Variants in KCNQ1 observed in about 807,000 individuals in gnomAD.
KCNQ1 encodes potassium voltage-gated channel subfamily KQT member 1.
In KCNQ1, 49 loss-of-function variants were observed where a neutral mutation model predicts 72.4. That is an observed-to-expected ratio of 0.68 (90% CI 0.54 to 0.86). KCNQ1 has a LOEUF of 0.86. Ranked by LOEUF, KCNQ1 falls within the 40% of genes least tolerant of loss-of-function variation. The pLI is 0.00. For missense variants in KCNQ1, 790 were observed against 945.1 expected (o/e 0.84, Z 2.15); for synonymous variants, 450 against 412.6 (o/e 1.09, Z -1.10).
In KCNQ1 at chr11:2,657,742, C is replaced by T. The variant is rs1370224598; in HGVS notation, c.1394-4219C>T. The T allele has an allele frequency of 7.5e-6, 3 of 398,428 alleles. No homozygotes were observed. The highest frequency in any genetic ancestry group is 2.1e-5 in the African/African-American group (1 of 48,586). The allele number at this position is 398,428 out of a possible 1,614,324, so 24.7% of individuals were successfully genotyped here. ...ATTTATTGTCATCTCTGATCGGTGA[C>T]GGGCTTCTCAGTCTTGTTCTTCATT... On this transcript the variant is annotated intron_variant, in intron 10 of 15. Coordinates refer to ENST00000155840, the MANE Select transcript of KCNQ1 (RefSeq NM_000218.3). This position sits in a 1 kb window ranked among gnomAD's most constrained non-coding sequence, Gnocchi z 4.8.
At position 2,458,447 on chromosome 11, in the gene KCNQ1, G is replaced by T; in HGVS notation, c.386+12963G>T. On this transcript the variant is annotated intron_variant, in intron 1 of 15. Coordinates refer to ENST00000155840, the MANE Select transcript of KCNQ1 (RefSeq NM_000218.3). The surrounding 1 kb of genome is among the most constrained non-coding windows in gnomAD (Gnocchi z 4.6). ...CTCGGGGAAACCCAGTAGCTGATGG[G>T]GTTGCGTCCTTCTTTGGGACTCCCG... Among the ~76,000 whole-genome samples the T allele has an allele frequency of 6.6e-6, 1 of 152,220 alleles. No homozygotes were observed. Among genetic ancestry groups the T allele is most frequent in the South Asian group, 2.1e-4 (1 of 4,824 alleles).
Position 2,462,228 on chromosome 11 carries a change from T to A in KCNQ1, c.386+16744T>A. On this transcript the variant is annotated intron_variant, in intron 1 of 15. Transcript: ENST00000155840. The surrounding 1 kb of genome is among the most constrained non-coding windows in gnomAD (Gnocchi z 8.2). ...GGTGCTGGGTGGGTCTTCATGGCTG[T>A]TCTTGGGGCTGCCAGGCCTGCAAGG... 6.6e-6 allele frequency among the ~76,000 whole-genome samples: 1 copy of A among 152,232 alleles called. No homozygotes were observed. Among genetic ancestry groups the A allele is most frequent in the Non-Finnish European group, 1.5e-5 (1 of 67,986 alleles).
At position 2,613,495 on chromosome 11, in the gene KCNQ1, G is replaced by C. The variant is rs1046539171; in HGVS notation, c.1393+24641G>C. 1.8e-5 allele frequency: 7 copies of C among 398,420 alleles called. No individual in the cohort carries two copies. The highest frequency in any genetic ancestry group is 3.1e-5 in the Non-Finnish European group (7 of 226,068). 24.7% of individuals were successfully genotyped at this position (398,420 alleles called of 1,614,324 possible). A position where few individuals can be genotyped will look rare whatever the true frequency, so the allele number is the denominator to read the frequency against. On this transcript the variant is annotated intron_variant, in intron 10 of 15. Transcript: ENST00000155840. This position sits in a 1 kb window ranked among gnomAD's most constrained non-coding sequence, Gnocchi z 4.8. The stretch of plus-strand genomic sequence containing the variant: ...TGTTGCTGGTCCTCAAGCCTACCGT[G>C]CCCCTGAGCTTGGGTGGGGAGATGG...
intron 11 of KCNQ1, chr11:2,688,906 G>A (rs1318651606): frequency 2.5e-6 from 1 of 398,936 alleles, no homozygotes; most frequent in East Asian, 3.6e-5. Flanking sequence ...GTGGGGCTAG[G>A]GCCACCCCAC....
rs1043220127 is a variant in KCNQ1, at chr11:2,617,967, T to A, written c.1393+29113T>A. On this transcript the variant is annotated intron_variant, in intron 10 of 15. Coordinates refer to ENST00000155840, the MANE Select transcript of KCNQ1 (RefSeq NM_000218.3). This position sits in a 1 kb window ranked among gnomAD's most constrained non-coding sequence, Gnocchi z 4.6. ...TAAGATATATGGTTGGCAAATATTT[T>A]CTTCTAGTCCATAGGTTGCCTTTTC... 2 of 398,466 alleles carry A rather than the reference T, an allele frequency of 5.0e-6. No individual in the cohort carries two copies. The highest frequency in any genetic ancestry group is 8.8e-6 in the Non-Finnish European group (2 of 226,046). 24.7% of individuals were successfully genotyped at this position (398,466 alleles called of 1,614,324 possible). A position where few individuals can be genotyped will look rare whatever the true frequency, so the allele number is the denominator to read the frequency against.
Position 2,613,365 on chromosome 11 carries a change from G to T in KCNQ1, c.1393+24511G>T. On this transcript the variant is annotated intron_variant, in intron 10 of 15. Coordinates refer to ENST00000155840, the MANE Select transcript of KCNQ1 (RefSeq NM_000218.3). This position sits in a 1 kb window ranked among gnomAD's most constrained non-coding sequence, Gnocchi z 4.8. The stretch of plus-strand genomic sequence containing the variant: ...TGCCCAACCAGTATTGAAACATTAG[G>T]TTGCTGTGATGTGGGTTGCCTCCAA... The T allele has an allele frequency of 2.5e-6, 1 of 398,478 alleles. No individual in the cohort carries two copies. The highest frequency in any genetic ancestry group is 4.4e-6 in the Non-Finnish European group (1 of 226,022). The allele number at this position is 398,478 out of a possible 1,614,324, so 24.7% of individuals were successfully genotyped here.
chr11:2,472,048 ATG>A (rs1289689742), intron 1 of KCNQ1, among the ~76,000 whole-genome samples: 2 of 134,026 alleles, frequency 1.5e-5, no homozygotes, highest in South Asian at 4.9e-4. Flanking sequence ...ATAGGTATGT[ATG>A]TGTGCACATG....
intron 11 of KCNQ1, chr11:2,699,455 C>T (rs1416800160): frequency 1.0e-5 from 4 of 399,546 alleles, no homozygotes; most frequent in South Asian, 1.1e-4. Flanking sequence ...ACTGAGGAGC[C>T]GCCGGGAGAG....
intron 11 of KCNQ1, chr11:2,694,163 C>T (rs929618839): frequency 2.0e-5 from 8 of 398,544 alleles, no homozygotes; most frequent in African/African-American, 4.1e-5. Flanking sequence ...GAAGAGGGTA[C>T]TCTGATTGGC....
intron 2 of KCNQ1, among the ~76,000 whole-genome samples, chr11:2,540,813 T>G (rs989506177): frequency 2.6e-5 from 4 of 152,108 alleles, no homozygotes; most frequent in African/African-American, 7.2e-5. Context: ...GCATTTAGAT[T>G]TTTAGGTGAA....
chr11:2,757,062 C>A (rs1846315897), intron 11 of KCNQ1, among the ~76,000 whole-genome samples: 1 of 147,838 alleles, frequency 6.8e-6, no homozygotes, highest in Non-Finnish European at 1.5e-5. Flanking sequence ...GCAAGGGTAT[C>A]TGTTCTCACC....
intron 11 of KCNQ1, chr11:2,672,663 G>A (rs1231181373): frequency 1.5e-5 from 6 of 398,626 alleles, no homozygotes; most frequent in Non-Finnish European, 2.2e-5. Flanking sequence ...AGATATGATA[G>A]GACCTTGCCC....
rs908852730 is a variant in KCNQ1 at position 2,723,263 on chromosome 11, C to T, written c.1515-45581C>T. Among the ~76,000 whole-genome samples the T allele has an allele frequency of 7.2e-5, 11 of 152,236 alleles. No individual in the cohort carries two copies. Among genetic ancestry groups the T allele is most frequent in the Non-Finnish European group, 1.6e-4 (11 of 68,046 alleles). ...CCTGCCGCCCTGGACAAGGTGCCCA[C>T]GGCCCTGTCCCATTTACCGTTGGGG... On this transcript the variant is annotated intron_variant, in intron 11 of 15. Coordinates refer to ENST00000155840, the MANE Select transcript of KCNQ1 (RefSeq NM_000218.3). The surrounding 1 kb of genome is among the most constrained non-coding windows in gnomAD (Gnocchi z 4.2).
rs1035178908 is a variant in KCNQ1, at chr11:2,748,395, G to A, written c.1515-20449G>A. Among the ~76,000 whole-genome samples the A allele has an allele frequency of 2.6e-5, 4 of 152,166 alleles. No individual in the cohort carries two copies. In the East Asian group the frequency reaches 7.7e-4, roughly 29 times the overall value. ...GTGGTTGTGTGTGTTGGGTAGATGT[G>A]GTGAGGTGTGCTGGTGGGGAGGGTC... is the stretch of plus-strand genomic sequence containing the variant. On this transcript the variant is annotated intron_variant, in intron 11 of 15. Coordinates refer to ENST00000155840, the MANE Select transcript of KCNQ1 (RefSeq NM_000218.3). This position sits in a 1 kb window ranked among gnomAD's most constrained non-coding sequence, Gnocchi z 6.2.
rs182676557 is a variant in KCNQ1 at position 2,625,816 on chromosome 11, G to A, written c.1394-36145G>A. ...AATCTCCTGACTTCATGATCCTCCC[G>A]CCTCAGCCTCCCAAAGTACTGGGAT... On this transcript the variant is annotated intron_variant, in intron 10 of 15. Coordinates refer to ENST00000155840, the MANE Select transcript of KCNQ1 (RefSeq NM_000218.3). 6.9e-3 allele frequency: 2,741 copies of A among 398,208 alleles called. 14 individuals carry two copies. Among genetic ancestry groups the A allele is most frequent in the Middle Eastern group, 0.014 (23 of 1,588 alleles). The allele number at this position is 398,208 out of a possible 1,614,324, so 24.7% of individuals were successfully genotyped here. A position where few individuals can be genotyped will look rare whatever the true frequency, so the allele number is the denominator to read the frequency against.
intron 11 of KCNQ1, chr11:2,667,718 T>C: frequency 7.5e-6 from 3 of 398,754 alleles, no homozygotes; most frequent in Non-Finnish European, 1.3e-5. Context: ...CTGGAAGCCG[T>C]GTCCCCTTAA....
intron 1 of KCNQ1, among the ~76,000 whole-genome samples, chr11:2,512,929 A>G (rs1292395539): frequency 1.3e-5 from 2 of 152,186 alleles, no homozygotes; most frequent in Non-Finnish European, 2.9e-5. Context: ...TGGGGAGCAG[A>G]TGATGGGGCT....
chr11:2,616,217 ATTTT>A, intron 10 of KCNQ1: 2 of 384,776 alleles, frequency 5.2e-6, no homozygotes, highest in Non-Finnish European at 9.1e-6. Flanking sequence ...TTTTTTTCTT[ATTTT>A]TGTTTTTTTT....
intron 2 of KCNQ1, among the ~76,000 whole-genome samples, chr11:2,556,196 C>T (rs1179650125): frequency 6.6e-6 from 1 of 152,224 alleles, no homozygotes; most frequent in Non-Finnish European, 1.5e-5. Flanking sequence ...GTCCAGGTTT[C>T]CCGTTTGATA....
Sources: allele counts gnomAD v4.1 joint callset (sites outside exome capture counted in the v4.1 genomes callset), GRCh38; gene constraint gnomAD v4.1.1; non-coding constraint Gnocchi (gnomAD v3.1); transcripts MANE v1.5; gene names NCBI Gene and HGNC (gene_info 2026-07-23, HGNC 2026-07-21).